The following BMX variants were observed in gnomAD, a reference collection of about 807,000 sequenced individuals.
BMX encodes BMX non-receptor tyrosine kinase.
In BMX, 31 loss-of-function variants were observed where a neutral mutation model predicts 59.2. The ratio of observed to expected loss-of-function variants is 0.52; its 90% CI spans 0.39 to 0.71. BMX has a LOEUF of 0.71. BMX is among the 30% of genes least tolerant of loss of function. The pLI is 0.00. For synonymous variants in BMX, 185 were observed against 181.0 expected (o/e 1.02, Z -0.18); for missense variants, 474 against 491.7 (o/e 0.96, Z 0.34).
intron 9 of BMX, among the ~76,000 whole-genome samples, chrX:15,527,208 AAAAAAAAAAC>A (rs922388347): frequency 1.1e-5 from 1 of 90,097 alleles, no homozygotes; most frequent in African/African-American, 4.6e-5. Flanking sequence ...AAAAAAAAAA[AAAAAAAAAAC>A]AACACAAACA....
intron 17 of BMX, among the ~76,000 whole-genome samples, chrX:15,547,959 G>A (rs1026875836): frequency 9.0e-6 from 1 of 111,077 alleles, no homozygotes; most frequent in Non-Finnish European, 1.9e-5. Flanking sequence ...GACTGCCTTT[G>A]AAAAGGGGAA....
At chrX:15,513,165 A>G (rs189557514) in intron 4 of BMX, among the ~76,000 whole-genome samples, 45 of 112,342 alleles carry the variant, frequency 4.0e-4, no homozygotes, top group East Asian at 2.2e-3. Context: ...CTTCTCTCAC[A>G]GTAACAAATG....
intron 7 of BMX, among the ~76,000 whole-genome samples, chrX:15,524,337 T>A (rs1199321135): frequency 8.9e-6 from 1 of 112,664 alleles, no homozygotes; most frequent in Non-Finnish European, 1.9e-5. Flanking sequence ...TTTCATTTAA[T>A]TTTGGTGAAA....
chrX:15,514,554 AG>A (rs1924076045), intron 4 of BMX, among the ~76,000 whole-genome samples: 1 of 112,207 alleles, frequency 8.9e-6, no homozygotes, highest in South Asian at 3.7e-4. Context: ...CATAAGGTCA[AG>A]AGAGAAAGAG....
At chrX:15,509,598 A>G (rs1923872064) in intron 3 of BMX, among the ~76,000 whole-genome samples, 165 bp downstream of exon 3, 1 of 110,985 alleles carries the variant, frequency 9.0e-6, no homozygotes, top group Non-Finnish European at 1.9e-5. Context: ...TCTGTCCACC[A>G]ATCTGCCTTC....
At chrX:15,555,201 CTTTTT>C (rs34118728) in intron 18 of BMX, among the ~76,000 whole-genome samples, 1 of 41,603 alleles carries the variant, frequency 2.4e-5, no homozygotes, top group East Asian at 1.0e-3. Context: ...ACGAGGGAAG[CTTTTT>C]TTTTTTTTTT....
intron 14 of BMX, among the ~76,000 whole-genome samples, chrX:15,539,682 T>A (rs2147134214): frequency 8.9e-6 from 1 of 112,638 alleles, no homozygotes; most frequent in Admixed American, 9.4e-5. Flanking sequence ...TAAATTTAGA[T>A]TTCTTTACAC....
At chrX:15,532,169 T>C (rs1925107633) in intron 11 of BMX, among the ~76,000 whole-genome samples, 1 of 111,100 alleles carries the variant, frequency 9.0e-6, no homozygotes, top group South Asian at 3.8e-4. Context: ...TTATTGTTGT[T>C]GTTGTTGCTG....
chrX:15,525,456 T>C, intron 8 of BMX, 91 bp downstream of exon 8: 1 of 926,345 alleles, frequency 1.1e-6, no homozygotes, highest in Non-Finnish European at 1.5e-6. Context: ...CAGCTAGGCT[T>C]TCTACTTAAG....
intron 3 of BMX, among the ~76,000 whole-genome samples, chrX:15,510,156 A>C (rs1364377364): frequency 1.8e-5 from 2 of 111,646 alleles, no homozygotes; most frequent in Admixed American, 1.9e-4. Flanking sequence ...GAAGTATTTT[A>C]AACAATGGTA....
At chrX:15,527,247 A>ATATATATAT (rs1569224670) in intron 9 of BMX, among the ~76,000 whole-genome samples, 1 of 56,350 alleles carries the variant, frequency 1.8e-5, no homozygotes, top group African/African-American at 8.8e-5. Flanking sequence ...CACACACACA[A>ATATATATAT]ATATATATAT....
intron 3 of BMX, 125 bp downstream of exon 3, chrX:15,509,558 C>T (rs1341011882): frequency 8.1e-6 from 4 of 490,949 alleles, no homozygotes; most frequent in African/African-American, 2.5e-5. Context: ...TGGAATATTC[C>T]CACATGGGAG....
chrX:15,548,361 G>A (rs1926042012), intron 17 of BMX, among the ~76,000 whole-genome samples: 1 of 111,176 alleles, frequency 9.0e-6, no homozygotes, highest in African/African-American at 3.3e-5. Context: ...AGAGGCTGAG[G>A]CACGAGAATC....
At chrX:15,505,717 C>T (rs1923714006) in intron 1 of BMX, among the ~76,000 whole-genome samples, 2 of 111,221 alleles carry the variant, frequency 1.8e-5, no homozygotes, top group Admixed American at 9.5e-5. Context: ...CGCTTGTAAA[C>T]CCTTGGAGGT....
intron 14 of BMX, 56 bp from the exon 15 acceptor site, chrX:15,541,926 G>A: frequency 9.4e-7 from 1 of 1,059,234 alleles, no homozygotes. Context: ...CTCTTTTTCA[G>A]TACATGTAGA....
At chrX:15,549,474 G>A (rs187180091) in intron 17 of BMX, among the ~76,000 whole-genome samples, 133 of 112,055 alleles carry the variant, frequency 1.2e-3, no homozygotes, top group African/African-American at 3.6e-3. Flanking sequence ...GGTTGGGGCA[G>A]GGGCTCACTA....
At chrX:15,534,402 T>C (rs934020225) in intron 12 of BMX, 63 bp downstream of exon 12, 37 of 996,498 alleles carry the variant, frequency 3.7e-5, no homozygotes, top group Non-Finnish European at 4.5e-5. Context: ...TCCTGGATAC[T>C]ACTGATCCTC....
intron 6 of BMX, among the ~76,000 whole-genome samples, chrX:15,519,590 C>A (rs982232960): frequency 9.0e-6 from 1 of 111,522 alleles, no homozygotes; most frequent in Non-Finnish European, 1.9e-5. Flanking sequence ...GGCCAAGGAA[C>A]ACCTGTTTCT....
At chrX:15,501,033 T>C in intron 1 of BMX, 93 bp downstream of exon 1, 1 of 684,290 alleles carries the variant, frequency 1.5e-6, no homozygotes, top group Non-Finnish European at 1.7e-6. Context: ...GTTACAAACT[T>C]TGGGAAGCTC....
Sources: allele counts gnomAD v4.1 joint callset (sites outside exome capture counted in the v4.1 genomes callset), GRCh38; gene constraint gnomAD v4.1.1; transcripts MANE v1.5; gene names NCBI Gene and HGNC (gene_info 2026-07-23, HGNC 2026-07-21).